ABCA1: variants seen among roughly 807,000 people sequenced by gnomAD.
ABCA1 encodes the protein phospholipid-transporting ATPase ABCA1.
Under a neutral mutation model 262.5 loss-of-function variants are expected in ABCA1, and 133 were observed. That is an observed-to-expected ratio of 0.51 (90% CI 0.44 to 0.59). ABCA1 has a LOEUF of 0.59. ABCA1 is among the 20% of genes least tolerant of loss of function. The pLI is 0.00. For missense variants in ABCA1, 2,452 were observed against 2,777.5 expected, an observed-to-expected ratio of 0.88 and a Z score of 2.63; for synonymous variants, 1,022 against 1,043.5, an observed-to-expected ratio of 0.98 and a Z score of 0.40.
chr9:104,916,166 G>T (rs530087937), intron 1 of ABCA1, among the ~76,000 whole-genome samples: 3 of 151,920 alleles, frequency 2.0e-5, no homozygotes, highest in Non-Finnish European at 2.9e-5. Context: ...TGAACTCAAG[G>T]TTTTCACTAT....
At chr9:104,852,137 T>C (rs924324571) in intron 7 of ABCA1, among the ~76,000 whole-genome samples, 1 of 152,224 alleles carries the variant, frequency 6.6e-6, no homozygotes, top group African/African-American at 2.4e-5. Context: ...CTTCATAAAG[T>C]AGACAAAAAT....
chr9:104,924,465 C>A (rs746779632), intron 1 of ABCA1, among the ~76,000 whole-genome samples: 6 of 151,902 alleles, frequency 3.9e-5, no homozygotes, highest in Non-Finnish European at 8.8e-5. Flanking sequence ...CAAAAACTAG[C>A]CGGGTGTGGT....
chr9:104,800,367 G>A (rs1303961152), intron 35 of ABCA1, 143 bp downstream of exon 35: 59 of 792,444 alleles, frequency 7.4e-5, no homozygotes, highest in African/African-American at 1.0e-4. Flanking sequence ...ACACTACACC[G>A]TACTGCCTCA....
rs750546839 is a variant in ABCA1, at chr9:104,889,157, G to A, written c.105C>T (p.Ile35=). 3 of 1,614,208 alleles carry A rather than the reference G, an allele frequency of 1.9e-6. No individual in the cohort carries two copies. In the South Asian group the frequency reaches 3.3e-5, roughly 18 times the overall value. ...LLLEVAWPLF[I]FLILISVRLS... The stretch of plus-strand genomic sequence containing the variant: ...GCCGAACAGAGATCAGGATCAGGAA[G>A]ATAAATAGAGGCCAGGCCACTTCCA... Residue 35 remains isoleucine (I), a synonymous_variant, in exon 3 of 50, where the codon ATC becomes ATT. Coordinates refer to ENST00000374736, the MANE Select transcript of ABCA1 (RefSeq NM_005502.4).
intron 44 of ABCA1, 65 bp downstream of exon 44, chr9:104,790,857 C>T (rs563728391): frequency 2.6e-6 from 3 of 1,133,004 alleles, no homozygotes; most frequent in Non-Finnish European, 4.0e-6. Flanking sequence ...AAATAACAAC[C>T]TATTTCTTTA....
rs1285218383 is a variant in ABCA1, at chr9:104,825,525, T to C, written c.2542+158A>G. 5.3e-6 allele frequency: 4 copies of C among 753,066 alleles called. No individual in the cohort carries two copies. The East Asian group carries it at 8.0e-5, about 15-fold the overall frequency. 46.6% of individuals were successfully genotyped at this position (753,066 alleles called of 1,614,324 possible). A position where few individuals can be genotyped will look rare whatever the true frequency, so the allele number is the denominator to read the frequency against. On this transcript the variant is annotated intron_variant, in intron 17 of 49. Coordinates refer to ENST00000374736, the MANE Select transcript of ABCA1 (RefSeq NM_005502.4). ...GCTGTACAAGTAGTGACAATTGTAC[T>C]TTCAGCATCAGCTGCCTGTCCTTGG...
chr9:104,842,650 TGA>T (rs1176988716), intron 8 of ABCA1, among the ~76,000 whole-genome samples: 2 of 152,204 alleles, frequency 1.3e-5, no homozygotes, highest in African/African-American at 4.8e-5. Flanking sequence ...AGCCCACGGA[TGA>T]TGGTGGTATT....
intron 34 of ABCA1, among the ~76,000 whole-genome samples, chr9:104,800,858 C>A (rs1646317724): frequency 6.6e-6 from 1 of 152,128 alleles, no homozygotes; most frequent in African/African-American, 2.4e-5. Context: ...GTCTGGTTAT[C>A]ACGGTGGGGT....
intron 31 of ABCA1, 130 bp from the exon 32 acceptor site, chr9:104,804,850 C>T (rs1830631534): frequency 2.5e-6 from 2 of 786,474 alleles, no homozygotes; most frequent in Non-Finnish European, 4.5e-6. Context: ...AGACACTGCC[C>T]TCAGTCAACC....
chr9:104,886,526 T>C (rs553113553), intron 3 of ABCA1, among the ~76,000 whole-genome samples: 130 of 152,286 alleles, frequency 8.5e-4, no homozygotes, highest in Non-Finnish European at 1.4e-3. Context: ...TGCTCTTCAT[T>C]CAGGGAGATT....
intron 2 of ABCA1, among the ~76,000 whole-genome samples, chr9:104,890,552 G>C (rs1839630208): frequency 6.6e-6 from 1 of 151,940 alleles, no homozygotes; most frequent in African/African-American, 2.4e-5. Flanking sequence ...CTGTACTCCA[G>C]CTGGGGCAAC....
At position 104,796,398 on chromosome 9, in the gene ABCA1, C is replaced by T. The variant is rs750617837; in HGVS notation, c.5148G>A (p.Leu1716=). The change falls in exon 38 of 50, where the codon CTG becomes CTA. Residue 1716 remains leucine, a synonymous_variant. Transcript: ENST00000374736. ...DMCNYVVPAT[L]VIIIFICFQQ... is the part of the protein sequence containing the mutation. ...GGAAGCAGATGAAGATGATAATGACCAGTGTGGCAGGGACAACGTAATTGC... is the reference window on the plus strand; with the variant it reads ...GGAAGCAGATGAAGATGATAATGACTAGTGTGGCAGGGACAACGTAATTGC... The T allele has an allele frequency of 2.5e-6, 4 of 1,614,106 alleles. No individual in the cohort carries two copies. Among genetic ancestry groups the T allele is most frequent in the South Asian group, 1.1e-5 (1 of 91,076 alleles).
intron 3 of ABCA1, among the ~76,000 whole-genome samples, chr9:104,886,195 TC>T (rs201371747): frequency 0.21 from 31,820 of 152,024 alleles, 3,478 homozygotes; most frequent in South Asian, 0.37. Context: ...GCAGGAACAC[TC>T]CTTCCATCTC....
chr9:104,805,947 A>C (rs151244586), intron 31 of ABCA1, among the ~76,000 whole-genome samples: 1 of 152,206 alleles, frequency 6.6e-6, no homozygotes, highest in African/African-American at 2.4e-5. Context: ...TCTACTAAAA[A>C]CACAAAAATT....
rs756805987 is a variant in ABCA1 at position 104,814,202 on chromosome 9, G to A, written c.3817C>T (p.Arg1273Trp). The A allele has an allele frequency of 9.3e-6, 15 of 1,614,206 alleles. No individual in the cohort carries two copies. Among genetic ancestry groups the A allele is most frequent in the Non-Finnish European group, 1.1e-5 (13 of 1,180,040 alleles). The change falls in exon 27 of 50, where the codon CGG (arginine) becomes TGG (tryptophan). Residue 1273 changes from arginine (R) to tryptophan (W), a missense_variant. Coordinates refer to ENST00000374736, the MANE Select transcript of ABCA1 (RefSeq NM_005502.4). ...DGTLPARRNR[R>W]AFGDKQSCLR... ...CAGCTCTGCTTGTCCCCGAAGGCCC[G>A]CCTGTTTCGTCTTGCTGGCAAGGTA...
chr9:104,830,889 A>T (rs972503769), intron 14 of ABCA1, 36 bp downstream of exon 14: 4 of 1,611,466 alleles, frequency 2.5e-6, no homozygotes, highest in Admixed American at 1.7e-5. Flanking sequence ...GGCACAGTAT[A>T]AACTGGTTAA....
chr9:104,797,753 A>G (rs1048179678), intron 37 of ABCA1, among the ~76,000 whole-genome samples: 1 of 152,230 alleles, frequency 6.6e-6, no homozygotes, highest in African/African-American at 2.4e-5. Flanking sequence ...TTATCTGGGT[A>G]ATACTCAGGT....
At chr9:104,818,573 A>G (rs1831988105) in intron 23 of ABCA1, 90 bp downstream of exon 23, 1 of 1,271,188 alleles carries the variant, frequency 7.9e-7, no homozygotes, top group Non-Finnish European at 1.1e-6. Context: ...TCAACATGGC[A>G]AAAGGGGTGG....
chr9:104,872,935 C>G (rs746082584), intron 5 of ABCA1, among the ~76,000 whole-genome samples: 1 of 152,232 alleles, frequency 6.6e-6, no homozygotes, highest in African/African-American at 2.4e-5. Flanking sequence ...CTGAGTAAAG[C>G]TGATCTTTGA....
Sources: allele counts gnomAD v4.1 joint callset (sites outside exome capture counted in the v4.1 genomes callset), GRCh38; gene constraint gnomAD v4.1.1; transcripts MANE v1.5; gene names NCBI Gene and HGNC (gene_info 2026-07-23, HGNC 2026-07-21).